NBEA: variants seen among roughly 807,000 people sequenced by gnomAD.
The protein encoded by NBEA is neurobeachin.
In NBEA, 44 loss-of-function variants were observed where a neutral mutation model predicts 343.4. The observed-to-expected ratio is 0.13, with a 90% confidence interval of 0.10 to 0.16. NBEA has a LOEUF of 0.16. Ranked by LOEUF, NBEA falls within the 10% of genes least tolerant of loss-of-function variation. The pLI is 1.00. For synonymous variants in NBEA, 1,175 were observed against 1,238.7 expected, an observed-to-expected ratio of 0.95 and a Z score of 1.08; for missense variants, 2,555 against 3,631.3, an observed-to-expected ratio of 0.70 and a Z score of 7.62.
intron 8 of NBEA, 89 bp downstream of exon 8, chr13:35,058,952 C>T (rs1386407520): frequency 5.1e-5 from 58 of 1,137,514 alleles, no homozygotes; most frequent in Admixed American, 6.6e-5. Context: ...ATCTTTAATA[C>T]GGTTTAAGAG....
intron 48 of NBEA, among the ~76,000 whole-genome samples, chr13:35,616,450 A>G (rs967941535): frequency 1.3e-5 from 2 of 152,200 alleles, no homozygotes; most frequent in Non-Finnish European, 2.9e-5. Flanking sequence ...CTTAAAATTC[A>G]GTTTTCCTCA....
At chr13:35,049,584 A>C (rs1423667451) in intron 5 of NBEA, among the ~76,000 whole-genome samples, 1 of 151,824 alleles carries the variant, frequency 6.6e-6, no homozygotes, top group Non-Finnish European at 1.5e-5. Context: ...CCAAGTTTTA[A>C]ATAAGCATCT....
chr13:35,403,895 A>C (rs989911618), intron 38 of NBEA, among the ~76,000 whole-genome samples: 1 of 151,666 alleles, frequency 6.6e-6, no homozygotes, highest in African/African-American at 2.4e-5. Context: ...CAAAGAACTC[A>C]AACAAATTTA....
At chr13:35,109,107 CAAAG>C (rs541925922) in intron 11 of NBEA, among the ~76,000 whole-genome samples, 179 bp from the exon 12 acceptor site, 2 of 151,996 alleles carry the variant, frequency 1.3e-5, no homozygotes, top group Non-Finnish European at 1.5e-5. Context: ...AGCTATCACT[CAAAG>C]AAATAGCTGA....
intron 48 of NBEA, among the ~76,000 whole-genome samples, chr13:35,614,158 A>G (rs1247946391): frequency 6.6e-6 from 1 of 152,196 alleles, no homozygotes; most frequent in African/African-American, 2.4e-5. Context: ...CTTTTGAGAA[A>G]TATTTATTTA....
intron 45 of NBEA, 116 bp from the exon 46 acceptor site, chr13:35,583,782 T>C: frequency 1.4e-6 from 1 of 718,960 alleles, no homozygotes; most frequent in Non-Finnish European, 2.2e-6. Flanking sequence ...CAAAATAATG[T>C]ATTTATGCTG....
At position 35,156,185 on chromosome 13, in the gene NBEA, G is replaced by T. The variant is rs1351369761; in HGVS notation, c.2630G>T (p.Ser877Ile). ...LFLSDMIKLF[S>I]NSRENRRCLL... Reference sequence around the variant, plus strand: ...TTATCTGATATGATAAAACTTTTCAGTAACAGCCGTGAAAATAGAAGGTAA... The same window carrying T: ...TTATCTGATATGATAAAACTTTTCATTAACAGCCGTGAAAATAGAAGGTAA... Residue 877 changes from serine to isoleucine, a missense_variant, in exon 20 of 59, where the codon AGT (serine) becomes ATT (isoleucine). This residue lies in a region of NBEA where 360 missense variants were observed against 519.1 expected (regional missense o/e 0.69). Coordinates refer to ENST00000379939, the MANE Select transcript of NBEA (RefSeq NM_001385012.1). The T allele has an allele frequency of 6.3e-7, 1 of 1,585,794 alleles. No homozygotes were observed. The highest frequency in any genetic ancestry group is 8.6e-7 in the Non-Finnish European group (1 of 1,166,944).
At chr13:35,335,454 G>C (rs148363458) in intron 36 of NBEA, among the ~76,000 whole-genome samples, 39 of 151,974 alleles carry the variant, frequency 2.6e-4, no homozygotes, top group Non-Finnish European at 4.4e-4. Context: ...TTTTAACACT[G>C]TTGATTCTTC....
intron 35 of NBEA, among the ~76,000 whole-genome samples, chr13:35,293,077 T>C (rs2035898121): frequency 6.6e-6 from 1 of 151,994 alleles, no homozygotes; most frequent in African/African-American, 2.4e-5. Flanking sequence ...AGCTTTTCTT[T>C]CTTATCTGAG....
chr13:35,260,500 G>A (rs953644500), intron 34 of NBEA, among the ~76,000 whole-genome samples: 2 of 152,168 alleles, frequency 1.3e-5, no homozygotes, highest in African/African-American at 4.8e-5. Context: ...TTTGCCTGGA[G>A]GCACTTTCTG....
At chr13:35,299,025 A>G (rs1421707811) in intron 35 of NBEA, among the ~76,000 whole-genome samples, 1 of 152,040 alleles carries the variant, frequency 6.6e-6, no homozygotes, top group African/African-American at 2.4e-5. Context: ...CACCCTACAG[A>G]GTGTTTTTTT....
At chr13:35,213,282 T>C (rs374872946) in intron 33 of NBEA, among the ~76,000 whole-genome samples, 36 of 152,192 alleles carry the variant, frequency 2.4e-4, no homozygotes, top group African/African-American at 8.4e-4. Flanking sequence ...ATACACTTGA[T>C]TATGGTTCAG....
intron 35 of NBEA, among the ~76,000 whole-genome samples, chr13:35,291,880 G>A (rs905565177): frequency 6.6e-6 from 1 of 151,884 alleles, no homozygotes; most frequent in Non-Finnish European, 1.5e-5. Context: ...TCTATGCAGT[G>A]CACTTTCTTT....
chr13:35,351,537 A>G (rs1185107792), intron 37 of NBEA, among the ~76,000 whole-genome samples: 1 of 152,038 alleles, frequency 6.6e-6, no homozygotes, highest in African/African-American at 2.4e-5. Flanking sequence ...AGAATAAGGT[A>G]GTAGTTCTCA....
intron 47 of NBEA, among the ~76,000 whole-genome samples, chr13:35,602,661 A>G (rs965679618): frequency 6.6e-6 from 1 of 152,214 alleles, no homozygotes; most frequent in Admixed American, 6.5e-5. Flanking sequence ...ATCTTAGTTA[A>G]TGCCCTAATT....
At chr13:35,112,341 TC>T (rs2071745884) in intron 13 of NBEA, among the ~76,000 whole-genome samples, 1 of 152,140 alleles carries the variant, frequency 6.6e-6, no homozygotes, top group Non-Finnish European at 1.5e-5. Flanking sequence ...TGCCAAGCAC[TC>T]TACATGTTAA....
At chr13:35,382,332 T>A (rs1219309729) in intron 38 of NBEA, among the ~76,000 whole-genome samples, 1 of 152,142 alleles carries the variant, frequency 6.6e-6, no homozygotes, top group East Asian at 1.9e-4. Flanking sequence ...TATCATTTCC[T>A]TTTTGGCTGT....
At chr13:35,009,874 G>C (rs1421637815) in intron 1 of NBEA, among the ~76,000 whole-genome samples, 1 of 152,198 alleles carries the variant, frequency 6.6e-6, no homozygotes, top group Non-Finnish European at 1.5e-5. Flanking sequence ...TGAAGGTACA[G>C]ACAACCCAGT....
intron 41 of NBEA, among the ~76,000 whole-genome samples, chr13:35,518,167 T>C (rs1161325722): frequency 2.0e-5 from 3 of 152,140 alleles, no homozygotes; most frequent in Non-Finnish European, 4.4e-5. Context: ...CACTATTTCC[T>C]TGAGAAGATA....
Sources: allele counts gnomAD v4.1 joint callset (sites outside exome capture counted in the v4.1 genomes callset), GRCh38; gene constraint gnomAD v4.1.1; regional missense constraint gnomAD v4.1.1; transcripts MANE v1.5; gene names NCBI Gene and HGNC (gene_info 2026-07-23, HGNC 2026-07-21).